CLTB: variants seen among roughly 807,000 people sequenced by gnomAD.
CLTB encodes the protein clathrin, light chain (Lcb).
In CLTB, 10 loss-of-function variants were observed where a neutral mutation model predicts 30.5. The observed-to-expected ratio is 0.33, with a 90% CI of 0.20 to 0.56. The LOEUF (loss-of-function observed/expected upper bound fraction) is 0.56, where lower values mean the gene tolerates loss of function less well. Ranked by LOEUF, CLTB falls within the 20% of genes least tolerant of loss-of-function variation. The pLI is 0.91. For missense variants in CLTB, 261 were observed against 308.3 expected, an observed-to-expected ratio of 0.85 and a Z score of 1.15; for synonymous variants, 102 against 120.3, an observed-to-expected ratio of 0.85 and a Z score of 1.00.
At position 176,393,069 on chromosome 5, in the gene CLTB, G is replaced by A. The variant is rs1310474052; in HGVS notation, c.519-124C>T. 1 of 1,073,486 alleles carries A rather than the reference G, an allele frequency of 9.3e-7. No individual in the cohort carries two copies. Among genetic ancestry groups the A allele is most frequent in the African/African-American group, 1.6e-5 (1 of 63,698 alleles). The allele number at this position is 1,073,486 out of a possible 1,614,324, so 66.5% of individuals were successfully genotyped here. A position where few individuals can be genotyped will look rare whatever the true frequency, so the allele number is the denominator to read the frequency against. On this transcript the variant is annotated intron_variant, in intron 5 of 5. Coordinates refer to ENST00000310418, the MANE Select transcript of CLTB (RefSeq NM_007097.5). The surrounding 1 kb of genome is among the most constrained non-coding windows in gnomAD (Gnocchi z 4.4). ...GTCCTCCCCAGCCTTGTGCCCCCCTGACTTCAGAGGAGGGCAGCCTTGGCG... is the reference window on the plus strand; with the variant it reads ...GTCCTCCCCAGCCTTGTGCCCCCCTAACTTCAGAGGAGGGCAGCCTTGGCG...
intron 2 of CLTB, 39 bp from the exon 3 acceptor site, chr5:176,398,086 A>G: frequency 6.3e-7 from 1 of 1,580,522 alleles, no homozygotes; most frequent in Non-Finnish European, 8.7e-7. Flanking sequence ...CAGCCAGCAC[A>G]CCTGCCCCGC....
At chr5:176,398,996 C>A (rs923083962) in intron 2 of CLTB, among the ~76,000 whole-genome samples, 1 of 151,888 alleles carries the variant, frequency 6.6e-6, no homozygotes, top group Non-Finnish European at 1.5e-5. Flanking sequence ...GCACACGTCA[C>A]GACACCCGGC....
intron 1 of CLTB, among the ~76,000 whole-genome samples, chr5:176,415,702 C>T (rs1049462735): frequency 5.3e-5 from 8 of 152,168 alleles, no homozygotes; most frequent in African/African-American, 9.7e-5. Context: ...CAGCGACTGC[C>T]GAATGCCAGG....
chr5:176,405,582 C>T (rs1456202503), intron 2 of CLTB: 2 of 151,952 alleles, frequency 1.3e-5, no homozygotes, highest in Non-Finnish European at 2.9e-5. Flanking sequence ...CCTCCATATC[C>T]GTTTATTCAC....
intron 2 of CLTB, among the ~76,000 whole-genome samples, chr5:176,400,341 C>A (rs1756758706): frequency 6.6e-6 from 1 of 152,098 alleles, no homozygotes; most frequent in Non-Finnish European, 1.5e-5. Flanking sequence ...TGAATAGTAG[C>A]TAGAATTACT....
chr5:176,397,722 G>A lies in CLTB; in HGVS notation c.353-4C>T. The A allele has an allele frequency of 6.2e-7, 1 of 1,610,868 alleles. No homozygotes were observed. The highest frequency in any genetic ancestry group is 1.1e-5 in the South Asian group (1 of 91,010). ...TCCGTGACCTTAGATGCAGCATCTA[G>A]GACCCCACAAGAGAATGAGTGGCTG... On this transcript the variant is annotated splice_polypyrimidine_tract_variant and splice_region_variant and intron_variant, in intron 3 of 5. Transcript: ENST00000310418.
intron 2 of CLTB, among the ~76,000 whole-genome samples, chr5:176,405,239 C>T (rs1351693252): frequency 6.6e-6 from 1 of 152,116 alleles, no homozygotes; most frequent in African/African-American, 2.4e-5. Context: ...CCTGTAATCC[C>T]AGCACTTTGG....
chr5:176,412,160 AG>A (rs1354696227), intron 1 of CLTB, among the ~76,000 whole-genome samples: 2 of 141,192 alleles, frequency 1.4e-5, no homozygotes, highest in Non-Finnish European at 3.0e-5. Flanking sequence ...TGGGCGACAG[AG>A]TGAGACTCAT....
At position 176,395,160 on chromosome 5, in the gene CLTB, C is replaced by T. The variant is rs540291392; in HGVS notation, c.518+1319G>A. The stretch of plus-strand genomic sequence containing the variant: ...GCCACTGCAGCCAGCTGGGCCTTTT[C>T]TCTCTGGATGCCTTGGCCCCAGCTG... On this transcript the variant is annotated intron_variant, in intron 5 of 5. Coordinates refer to ENST00000310418, the MANE Select transcript of CLTB (RefSeq NM_007097.5). 5.8e-4 allele frequency among the ~76,000 whole-genome samples: 87 copies of T among 151,130 alleles called. 1 individual carries two copies. The highest frequency in any genetic ancestry group is 5.0e-3 in the Admixed American group (76 of 15,168).
chr5:176,406,693 G>A (rs1163727248), intron 2 of CLTB: 21 of 1,287,858 alleles, frequency 1.6e-5, no homozygotes, highest in African/African-American at 3.0e-5. Flanking sequence ...AGCTGGACCC[G>A]CTGGTGGTGC....
chr5:176,392,694 G>C lies in CLTB; in HGVS notation c.*80C>G. The C allele has an allele frequency of 6.6e-7, 1 of 1,516,844 alleles. No individual in the cohort carries two copies. Among genetic ancestry groups the C allele is most frequent in the Non-Finnish European group, 9.0e-7 (1 of 1,105,632 alleles). 94.0% of individuals were successfully genotyped at this position (1,516,844 alleles called of 1,614,324 possible). A position where few individuals can be genotyped will look rare whatever the true frequency, so the allele number is the denominator to read the frequency against. ...AGGCTGTGGGTAGCAGCTGCTGCGAGTCTCCACCCCGACCAAAGCAGCTGC... is the reference window on the plus strand; with the variant it reads ...AGGCTGTGGGTAGCAGCTGCTGCGACTCTCCACCCCGACCAAAGCAGCTGC... On this transcript the variant is annotated 3_prime_UTR_variant, in exon 6 of 6. Transcript: ENST00000310418. The surrounding 1 kb of genome is among the most constrained non-coding windows in gnomAD (Gnocchi z 5.2).
upstream of CLTB, chr5:176,416,540 G>A (rs923657558): frequency 1.4e-5 from 5 of 353,354 alleles, no homozygotes; most frequent in African/African-American, 1.1e-4. Flanking sequence ...GGCTGTCACT[G>A]CGGTGCGGGC....
At chr5:176,398,675 G>A (rs893005487) in intron 2 of CLTB, among the ~76,000 whole-genome samples, 1 of 151,938 alleles carries the variant, frequency 6.6e-6, no homozygotes, top group Non-Finnish European at 1.5e-5. Flanking sequence ...TCACACCATT[G>A]CACTCCAGCC....
chr5:176,396,604 G>T, intron 4 of CLTB, 72 bp from the exon 5 acceptor site: 1 of 1,065,814 alleles, frequency 9.4e-7, no homozygotes. Context: ...CAGGCAGAAG[G>T]TTAGAGAGAG....
intron 2 of CLTB, among the ~76,000 whole-genome samples, chr5:176,408,177 G>A (rs1757230465): frequency 6.6e-6 from 1 of 152,012 alleles, no homozygotes; most frequent in Admixed American, 6.6e-5. Context: ...AGTTAGGTGG[G>A]TGCGGACAGA....
intron 1 of CLTB, among the ~76,000 whole-genome samples, chr5:176,411,064 C>T (rs531744724): frequency 1.3e-5 from 2 of 152,384 alleles, no homozygotes; most frequent in South Asian, 2.1e-4. Flanking sequence ...TAGGGGCAAA[C>T]ACCTGGGAAG....
intron 4 of CLTB, 119 bp from the exon 5 acceptor site, chr5:176,396,651 T>C (rs1756537369): frequency 1.3e-6 from 1 of 767,128 alleles, no homozygotes; most frequent in Non-Finnish European, 2.3e-6. Context: ...GTGGGAGAAA[T>C]GTTAGGAAGC....
chr5:176,407,147 C>T (rs567847327), intron 2 of CLTB, among the ~76,000 whole-genome samples: 23 of 152,296 alleles, frequency 1.5e-4, no homozygotes, highest in Non-Finnish European at 2.6e-4. Context: ...AGCTCACCCA[C>T]GGCTGACAGG....
chr5:176,403,598 C>T lies in CLTB; in HGVS notation c.235-5551G>A, dbSNP rs527848510. Reference sequence around the variant, plus strand: ...CCTCCCCAGTTGCTGAGATTACAGGCGCCCACGACCACGCCTGGTTAATTT... The same window carrying T: ...CCTCCCCAGTTGCTGAGATTACAGGTGCCCACGACCACGCCTGGTTAATTT... On this transcript the variant is annotated intron_variant, in intron 2 of 5. Transcript: ENST00000310418. 5.3e-5 allele frequency among the ~76,000 whole-genome samples: 8 copies of T among 151,898 alleles called. No homozygotes were observed. In the South Asian group the frequency reaches 1.7e-3, roughly 32 times the overall value.
Sources: gnomAD v4.1 joint callset for allele counts (sites outside exome capture counted in the v4.1 genomes callset) on GRCh38, gnomAD v4.1.1 for gene constraint, Gnocchi (gnomAD v3.1) non-coding constraint, MANE v1.5 for transcripts, NCBI Gene and HGNC (gene_info 2026-07-23, HGNC 2026-07-21) for gene names.